EPHA5: variants seen among roughly 807,000 people sequenced by gnomAD.
EPHA5 encodes the protein ephrin type-A receptor 5.
EPHA5 carries 60 observed loss-of-function variants against 105.0 expected under a neutral mutation model. The ratio of observed to expected loss-of-function variants is 0.57; its 90% confidence interval spans 0.46 to 0.71. EPHA5 has a LOEUF of 0.71. Ranked by LOEUF, EPHA5 falls within the 30% of genes least tolerant of loss-of-function variation. The probability of loss-of-function intolerance (pLI) is 0.00; values close to 1 mark genes in which losing one functional copy is unlikely to be tolerated. For missense variants in EPHA5, 1,218 were observed against 1,274.7 expected (o/e 0.96, Z 0.68); for synonymous variants, 513 against 449.1 (o/e 1.14, Z -1.80).
intron 11 of EPHA5, among the ~76,000 whole-genome samples, chr4:65,356,939 A>G (rs1003622599): frequency 6.6e-6 from 1 of 151,446 alleles, no homozygotes; most frequent in Non-Finnish European, 1.5e-5. Context: ...ACAGACAAAG[A>G]CTAGATCTGC....
At chr4:65,574,928 A>T (rs1214803249) in intron 3 of EPHA5, among the ~76,000 whole-genome samples, 21 of 151,666 alleles carry the variant, frequency 1.4e-4, no homozygotes, top group Admixed American at 1.3e-3. Context: ...AACCTATGAT[A>T]CATGAAATAA....
At position 65,512,067 on chromosome 4, in the gene EPHA5, G is replaced by A. The variant is rs559478424; in HGVS notation, c.911-16524C>T. 2.0e-5 allele frequency among the ~76,000 whole-genome samples: 3 copies of A among 152,246 alleles called. No homozygotes were observed. In the East Asian group the frequency reaches 5.8e-4, roughly 29 times the overall value. On this transcript the variant is annotated intron_variant, in intron 3 of 16. Coordinates refer to ENST00000613740, the MANE Select transcript of EPHA5 (RefSeq NM_001281766.3). ...ACATGTTTGATAAGTGCTATAAGAG[G>A]TTTTTAAGAGAATAAGTGAGAGGAA...
At chr4:65,577,562 T>A (rs1445698432) in intron 3 of EPHA5, among the ~76,000 whole-genome samples, 1 of 152,146 alleles carries the variant, frequency 6.6e-6, no homozygotes. Context: ...TTCACTTACA[T>A]AATTATAATT....
chr4:65,358,503 A>C (rs926404976), intron 11 of EPHA5, among the ~76,000 whole-genome samples: 3 of 151,516 alleles, frequency 2.0e-5, no homozygotes, highest in South Asian at 2.1e-4. Flanking sequence ...CTTACCCCAA[A>C]AGAAACTTAG....
chr4:65,486,138 A>C (rs1730857443), intron 5 of EPHA5, among the ~76,000 whole-genome samples: 1 of 152,202 alleles, frequency 6.6e-6, no homozygotes, highest in African/African-American at 2.4e-5. Context: ...TTTTATAATA[A>C]GAAAACCTTT....
At chr4:65,598,699 G>T (rs1001645045) in intron 3 of EPHA5, among the ~76,000 whole-genome samples, 2 of 152,142 alleles carry the variant, frequency 1.3e-5, no homozygotes, top group African/African-American at 4.8e-5. Flanking sequence ...TCTGTAGAAG[G>T]GATATTGGAG....
At chr4:65,498,894 G>A (rs983452082) in intron 3 of EPHA5, among the ~76,000 whole-genome samples, 1 of 151,578 alleles carries the variant, frequency 6.6e-6, no homozygotes, top group African/African-American at 2.4e-5. Flanking sequence ...TTCAAATCAT[G>A]ACCCTAAATT....
chr4:65,363,780 G>C (rs1229334706), intron 11 of EPHA5, among the ~76,000 whole-genome samples: 1 of 151,360 alleles, frequency 6.6e-6, no homozygotes, highest in African/African-American at 2.4e-5. Flanking sequence ...ATCGACACTT[G>C]CTATCACAGA....
intron 7 of EPHA5, among the ~76,000 whole-genome samples, chr4:65,409,142 A>G (rs796866005): frequency 1.6e-5 from 2 of 126,954 alleles, no homozygotes; most frequent in South Asian, 5.4e-4. Context: ...TTGAACAATG[A>G]GAACACATGG....
At chr4:65,414,602 C>T (rs1474150103) in intron 6 of EPHA5, among the ~76,000 whole-genome samples, 159 bp from the exon 7 acceptor site, 1 of 152,134 alleles carries the variant, frequency 6.6e-6, no homozygotes, top group South Asian at 2.1e-4. Flanking sequence ...CCTAGGTGTG[C>T]TATTTACATA....
At chr4:65,479,429 T>C (rs1730140147) in intron 5 of EPHA5, among the ~76,000 whole-genome samples, 1 of 152,180 alleles carries the variant, frequency 6.6e-6, no homozygotes, top group African/African-American at 2.4e-5. Context: ...ATTTCTTCTG[T>C]TTAAATGTAT....
chr4:65,472,725 G>C lies in EPHA5; in HGVS notation c.1402+17652C>G, dbSNP rs1392518481. 2.6e-5 allele frequency among the ~76,000 whole-genome samples: 4 copies of C among 152,128 alleles called. No homozygotes were observed. In the East Asian group the frequency reaches 7.8e-4, roughly 30 times the overall value. On this transcript the variant is annotated intron_variant, in intron 5 of 16. Coordinates refer to ENST00000613740, the MANE Select transcript of EPHA5 (RefSeq NM_001281766.3). ...ACAGTTGCACAGAGCAGGGGCCCCT[G>C]GGCCTGGCCCACAAAACCTGGCCCA...
At chr4:65,589,956 T>C (rs763082476) in intron 3 of EPHA5, among the ~76,000 whole-genome samples, 15 of 152,324 alleles carry the variant, frequency 9.8e-5, no homozygotes, top group Non-Finnish European at 2.1e-4. Flanking sequence ...TATGTCCTAA[T>C]GGAATCCTTT....
chr4:65,620,108 GTA>G (rs34861369), intron 2 of EPHA5, among the ~76,000 whole-genome samples: 92 of 137,316 alleles, frequency 6.7e-4, no homozygotes, highest in Middle Eastern at 3.7e-3. Context: ...TTGGACTCAG[GTA>G]TATATATATA....
At chr4:65,415,982 C>A (rs1339484034) in intron 6 of EPHA5, among the ~76,000 whole-genome samples, 6 of 151,978 alleles carry the variant, frequency 3.9e-5, no homozygotes, top group African/African-American at 1.4e-4. Context: ...TTTATTATTT[C>A]TCCATATTAT....
chr4:65,436,308 T>C (rs1326480434), intron 5 of EPHA5, among the ~76,000 whole-genome samples: 1 of 151,926 alleles, frequency 6.6e-6, no homozygotes, highest in Non-Finnish European at 1.5e-5. Flanking sequence ...CTATGTTTCC[T>C]AATCAACTAC....
chr4:65,576,062 A>AAAGAAAG (rs1560721142), intron 3 of EPHA5, among the ~76,000 whole-genome samples: 1 of 56,176 alleles, frequency 1.8e-5, no homozygotes, highest in Non-Finnish European at 3.6e-5. Context: ...AAGAAAGAAA[A>AAAGAAAG]GAAAAGAAAA....
At chr4:65,543,720 A>C (rs1737079350) in intron 3 of EPHA5, among the ~76,000 whole-genome samples, 1 of 151,964 alleles carries the variant, frequency 6.6e-6, no homozygotes, top group South Asian at 2.1e-4. Flanking sequence ...ATTCTAGAAA[A>C]AAATCTTAAA....
chr4:65,355,914 A>G (rs1723253505), intron 11 of EPHA5, among the ~76,000 whole-genome samples: 1 of 151,596 alleles, frequency 6.6e-6, no homozygotes, highest in Non-Finnish European at 1.5e-5. Flanking sequence ...GAATCAGCCT[A>G]TAATTCCAGA....
Sources: allele counts gnomAD v4.1 joint callset (sites outside exome capture counted in the v4.1 genomes callset), GRCh38; gene constraint gnomAD v4.1.1; transcripts MANE v1.5; gene names NCBI Gene and HGNC (gene_info 2026-07-23, HGNC 2026-07-21).